CPED1: variants seen among roughly 807,000 people sequenced by gnomAD.
CPED1 encodes cadherin like and PC-esterase domain containing 1, also known as cadherin-like and PC-esterase domain-containing protein 1.
Under a neutral mutation model 128.2 loss-of-function variants are expected in CPED1, and 114 were observed. The observed-to-expected ratio is 0.89, with a 90% CI of 0.76 to 1.04. CPED1 has a LOEUF of 1.04. Among genes scored for constraint, CPED1 ranks in the 50% least tolerant of loss-of-function variants. The probability of loss-of-function intolerance (pLI) is 0.00; values close to 1 mark genes in which losing one functional copy is unlikely to be tolerated. For missense variants in CPED1, 1,211 were observed against 1,207.1 expected (o/e 1.00, Z -0.05); for synonymous variants, 462 against 426.7 (o/e 1.08, Z -1.02).
At chr7:121,120,966 TAAAAAA>T (rs539242359) in intron 7 of CPED1, among the ~76,000 whole-genome samples, 3 of 91,652 alleles carry the variant, frequency 3.3e-5, no homozygotes, top group African/African-American at 3.8e-5. Context: ...GTTCCTGACC[TAAAAAA>T]AAAAAAAAAA....
intron 7 of CPED1, among the ~76,000 whole-genome samples, chr7:121,116,412 T>G (rs1795234869): frequency 6.6e-6 from 1 of 152,234 alleles, no homozygotes; most frequent in Non-Finnish European, 1.5e-5. Flanking sequence ...TTTATATTCT[T>G]AAATCATTTT....
In CPED1 at chr7:121,180,592, G is replaced by A. The variant is rs1796878619; in HGVS notation, c.2055+38451G>A. On this transcript the variant is annotated intron_variant, in intron 16 of 22. Coordinates refer to ENST00000310396, the MANE Select transcript of CPED1 (RefSeq NM_024913.5). ...GGTTCTCTCAGTGGGTCACACCTTG[G>A]CACACACTTTCTGTTCTTCTTTCAT... Among the ~76,000 whole-genome samples the A allele has an allele frequency of 2.0e-5, 3 of 151,834 alleles. No homozygotes were observed. The South Asian group carries it at 6.2e-4, about 32-fold the overall frequency.
intron 5 of CPED1, among the ~76,000 whole-genome samples, chr7:121,089,968 A>G (rs1794534514): frequency 6.6e-6 from 1 of 152,212 alleles, no homozygotes; most frequent in Non-Finnish European, 1.5e-5. Context: ...CTGTGTGGTC[A>G]TTGCAGCGAA....
rs1177799093 is a variant in CPED1, at chr7:121,100,032, G to A, written c.856G>A (p.Ala286Thr). The A allele has an allele frequency of 4.3e-6, 7 of 1,613,022 alleles. No individual in the cohort carries two copies. The highest frequency in any genetic ancestry group is 5.1e-6 in the Non-Finnish European group (6 of 1,179,390). Residue 286 changes from alanine (A) to threonine (T), a missense_variant, in exon 7 of 23, where the codon GCA becomes ACA. Physicochemically the swap from Ala to Thr is moderately conservative, Grantham distance 58. Coordinates refer to ENST00000310396, the MANE Select transcript of CPED1 (RefSeq NM_024913.5). Reference sequence around the variant, plus strand: ...GGTGACGTCCTTAACCCCTTTGCGTGCATTCATTCATTCGACGGGCACAGT... The same window carrying A: ...GGTGACGTCCTTAACCCCTTTGCGTACATTCATTCATTCGACGGGCACAGT... ...VLVTSLTPLR[A>T]FIHSTGTVWN...
chr7:121,194,779 T>C (rs1459515600), intron 16 of CPED1, among the ~76,000 whole-genome samples: 1 of 152,140 alleles, frequency 6.6e-6, no homozygotes, highest in African/African-American at 2.4e-5. Flanking sequence ...TTTTTGTTTT[T>C]CTGTTTTGAG....
At chr7:121,203,797 G>C (rs1797457068) in intron 16 of CPED1, among the ~76,000 whole-genome samples, 1 of 152,144 alleles carries the variant, frequency 6.6e-6, no homozygotes, top group African/African-American at 2.4e-5. Context: ...TTATGAGGCT[G>C]TGTTTTGTTT....
At chr7:121,256,083 G>C (rs562160971) in intron 18 of CPED1, among the ~76,000 whole-genome samples, 1 of 80,236 alleles carries the variant, frequency 1.2e-5, no homozygotes, top group South Asian at 4.1e-4. Context: ...GACCAAAAAA[G>C]AGCCCTAATA....
chr7:121,249,933 A>T (rs1798629642), intron 18 of CPED1, among the ~76,000 whole-genome samples: 1 of 152,182 alleles, frequency 6.6e-6, no homozygotes, highest in Non-Finnish European at 1.5e-5. Context: ...GTTAACAAGG[A>T]TATCCAGGAA....
At chr7:121,145,824 C>T (rs769131708) in intron 16 of CPED1, among the ~76,000 whole-genome samples, 2 of 151,660 alleles carry the variant, frequency 1.3e-5, no homozygotes, top group Non-Finnish European at 2.9e-5. Context: ...ACAGTGTCCT[C>T]ACTATATTTG....
At chr7:121,203,946 C>T (rs539254817) in intron 16 of CPED1, among the ~76,000 whole-genome samples, 1 of 152,132 alleles carries the variant, frequency 6.6e-6, no homozygotes, top group Admixed American at 6.5e-5. Flanking sequence ...AGCAAGACAC[C>T]CACTTCTCCA....
chr7:121,001,534 A>G (rs1340035692), intron 2 of CPED1, among the ~76,000 whole-genome samples: 1 of 152,130 alleles, frequency 6.6e-6, no homozygotes, highest in Non-Finnish European at 1.5e-5. Context: ...TTTACTTAAA[A>G]AATAATATTG....
intron 18 of CPED1, among the ~76,000 whole-genome samples, chr7:121,252,566 C>T (rs529079473): frequency 6.6e-6 from 1 of 152,192 alleles, no homozygotes; most frequent in Admixed American, 6.5e-5. Context: ...GCAACCTACT[C>T]ATCTGACAAA....
At chr7:121,144,789 T>C (rs1384634445) in intron 16 of CPED1, among the ~76,000 whole-genome samples, 1 of 151,986 alleles carries the variant, frequency 6.6e-6, no homozygotes, top group Non-Finnish European at 1.5e-5. Flanking sequence ...AAATATCACA[T>C]GTATCCCATA....
chr7:121,185,890 G>T (rs2116511739), intron 16 of CPED1, among the ~76,000 whole-genome samples: 1 of 152,284 alleles, frequency 6.6e-6, no homozygotes, highest in Non-Finnish European at 1.5e-5. Flanking sequence ...GAAGCAACGT[G>T]CTGGGAAGAT....
At chr7:121,167,910 T>A (rs1298953198) in intron 16 of CPED1, among the ~76,000 whole-genome samples, 1 of 151,976 alleles carries the variant, frequency 6.6e-6, no homozygotes, top group South Asian at 2.1e-4. Flanking sequence ...TTTTTTTGTA[T>A]TTTTAGTAGA....
intron 7 of CPED1, among the ~76,000 whole-genome samples, chr7:121,107,511 G>T (rs1795006765): frequency 6.6e-6 from 1 of 152,060 alleles, no homozygotes; most frequent in Admixed American, 6.6e-5. Flanking sequence ...AGAGAGAAAT[G>T]AATTAGAATA....
At chr7:121,067,951 C>T (rs1315138585) in intron 5 of CPED1, among the ~76,000 whole-genome samples, 23 of 151,822 alleles carry the variant, frequency 1.5e-4, no homozygotes, top group African/African-American at 2.9e-4. Flanking sequence ...GCCCACTTTT[C>T]GATGGGGTTG....
At chr7:121,138,933 G>C (rs1012067410) in intron 14 of CPED1, among the ~76,000 whole-genome samples, 1 of 150,840 alleles carries the variant, frequency 6.6e-6, no homozygotes, top group African/African-American at 2.4e-5. Context: ...CTTATCTCGG[G>C]GTCTTTAACG....
intron 2 of CPED1, among the ~76,000 whole-genome samples, chr7:120,991,593 T>C (rs910040075): frequency 3.3e-5 from 5 of 152,250 alleles, no homozygotes; most frequent in Admixed American, 6.5e-5. Flanking sequence ...CTCCCCTTGT[T>C]CACTCTGTGT....
Sources: gnomAD v4.1 joint callset for allele counts (sites outside exome capture counted in the v4.1 genomes callset) on GRCh38, gnomAD v4.1.1 for gene constraint, MANE v1.5 for transcripts, NCBI Gene and HGNC (gene_info 2026-07-23, HGNC 2026-07-21) for gene names.